The following AXDND1 variants were observed in gnomAD, a reference collection of about 807,000 sequenced individuals.
The protein encoded by AXDND1 is axonemal dynein light chain domain-containing protein 1.
In AXDND1, 110 loss-of-function variants were observed where a neutral mutation model predicts 137.5. The ratio of observed to expected loss-of-function variants is 0.80; its 90% CI spans 0.69 to 0.94. The LOEUF (loss-of-function observed/expected upper bound fraction) is 0.94, where lower values mean the gene tolerates loss of function less well. Among genes scored for constraint, AXDND1 ranks in the 40% least tolerant of loss-of-function variants. The pLI is 0.00. For synonymous variants in AXDND1, 414 were observed against 399.7 expected, an observed-to-expected ratio of 1.04 and a Z score of -0.43; for missense variants, 1,191 against 1,169.8, an observed-to-expected ratio of 1.02 and a Z score of -0.26.
chr1:179,491,850 C>T (rs1572064549), intron 19 of AXDND1, 113 bp downstream of exon 19: 1 of 969,098 alleles, frequency 1.0e-6, no homozygotes, highest in Non-Finnish European at 1.5e-6. Flanking sequence ...GAAAGAAATA[C>T]TAGTTCAGTT....
chr1:179,442,231 T>C (rs1659094079), intron 15 of AXDND1, among the ~76,000 whole-genome samples: 1 of 152,190 alleles, frequency 6.6e-6, no homozygotes, highest in Non-Finnish European at 1.5e-5. Context: ...TATAGGCCAC[T>C]TTTTATCCTC....
intron 11 of AXDND1, among the ~76,000 whole-genome samples, chr1:179,408,696 T>C (rs1002896197): frequency 6.6e-6 from 1 of 152,190 alleles, no homozygotes; most frequent in African/African-American, 2.4e-5. Flanking sequence ...AAAAATTCTT[T>C]ATAGAGATGG....
Sources: gnomAD v4.1 joint callset for allele counts (sites outside exome capture counted in the v4.1 genomes callset) on GRCh38, gnomAD v4.1.1 for gene constraint, MANE v1.5 for transcripts, NCBI Gene and HGNC (gene_info 2026-07-23, HGNC 2026-07-21) for gene names.